The following PRR16 variants were observed in gnomAD, a reference collection of about 807,000 sequenced individuals.
PRR16 encodes proline rich 16.
A neutral mutation model predicts 18.2 loss-of-function variants in PRR16; 6 were observed. The ratio of observed to expected loss-of-function variants is 0.33; its 90% CI spans 0.18 to 0.65. PRR16 has a LOEUF of 0.65. Among genes scored for constraint, PRR16 ranks in the 30% least tolerant of loss-of-function variants. The probability of loss-of-function intolerance (pLI) is 0.74; values close to 1 mark genes in which losing one functional copy is unlikely to be tolerated. For missense variants in PRR16, 412 were observed against 376.6 expected, an observed-to-expected ratio of 1.09 and a Z score of -0.78; for synonymous variants, 151 against 147.8, an observed-to-expected ratio of 1.02 and a Z score of -0.16.
chr5:120,661,779 A>G (rs921977199), intron 1 of PRR16, among the ~76,000 whole-genome samples: 1 of 151,998 alleles, frequency 6.6e-6, no homozygotes, highest in Non-Finnish European at 1.5e-5. Flanking sequence ...TCCCCTCTAG[A>G]TCACGCTACA....
At chr5:120,676,063 A>T (rs1270417143) in intron 1 of PRR16, among the ~76,000 whole-genome samples, 1 of 152,088 alleles carries the variant, frequency 6.6e-6, no homozygotes, top group East Asian at 1.9e-4. Flanking sequence ...TATATCCTCC[A>T]TATTTACTTT....
chr5:120,757,425 A>T, the PRR16 span, among the ~76,000 whole-genome samples: 19 of 152,048 alleles, frequency 1.2e-4, no homozygotes, highest in Admixed American at 5.2e-4. Flanking sequence ...CATTTTAATG[A>T]TAGTGATTCT....
At chr5:120,501,458 C>T (rs538975684) in intron 1 of PRR16, among the ~76,000 whole-genome samples, 4 of 151,940 alleles carry the variant, frequency 2.6e-5, no homozygotes, top group East Asian at 1.9e-4. Context: ...ATCTTGATGA[C>T]GATAAAAGTA....
intron 1 of PRR16, among the ~76,000 whole-genome samples, chr5:120,583,274 G>A (rs1753332906): frequency 6.6e-6 from 1 of 151,982 alleles, no homozygotes; most frequent in Non-Finnish European, 1.5e-5. Flanking sequence ...TTTCACTGGA[G>A]GATTTTCAGT....
the PRR16 span, among the ~76,000 whole-genome samples, chr5:120,767,914 C>A: frequency 4.9e-4 from 75 of 151,830 alleles, no homozygotes; most frequent in African/African-American, 1.7e-3. Flanking sequence ...TATGATATAT[C>A]AATTATATCA....
chr5:120,685,025 G>A (rs1757078322), intron 1 of PRR16, among the ~76,000 whole-genome samples: 1 of 152,082 alleles, frequency 6.6e-6, no homozygotes, highest in Non-Finnish European at 1.5e-5. Flanking sequence ...AGGGTCCTGG[G>A]CCCAGATAAT....
chr5:120,720,607 C>G, the PRR16 span, among the ~76,000 whole-genome samples: 3 of 152,094 alleles, frequency 2.0e-5, no homozygotes, highest in Non-Finnish European at 4.4e-5. Context: ...GGAATCCACT[C>G]TCATTTCTCT....
chr5:120,470,005 C>T (rs905427850), intron 1 of PRR16, among the ~76,000 whole-genome samples: 2 of 152,070 alleles, frequency 1.3e-5, no homozygotes, highest in African/African-American at 4.8e-5. Flanking sequence ...TCATTATTAC[C>T]TGGATTATGT....
the PRR16 span, among the ~76,000 whole-genome samples, chr5:120,721,602 G>A: frequency 4.6e-5 from 7 of 152,126 alleles, no homozygotes; most frequent in African/African-American, 1.7e-4. Flanking sequence ...AGGTCAGTGT[G>A]CCAAATTGTT....
At chr5:120,550,516 G>A (rs768896569) in intron 1 of PRR16, among the ~76,000 whole-genome samples, 1 of 151,994 alleles carries the variant, frequency 6.6e-6, no homozygotes, top group Non-Finnish European at 1.5e-5. Flanking sequence ...TGCCTCTTGT[G>A]TTGATTAAGA....
chr5:120,654,477 C>CT (rs549516616), intron 1 of PRR16, among the ~76,000 whole-genome samples: 4,994 of 147,994 alleles, frequency 0.034, 185 homozygotes, highest in African/African-American at 0.087. Context: ...CAAAAAGTGT[C>CT]TTTTTTTTTT....
intron 1 of PRR16, among the ~76,000 whole-genome samples, chr5:120,606,720 T>C (rs1255440101): frequency 3.9e-5 from 6 of 151,960 alleles, no homozygotes; most frequent in African/African-American, 9.7e-5. Context: ...TTGGGCAACA[T>C]AGTGAGACCT....
At chr5:120,596,437 T>G (rs1392171542) in intron 1 of PRR16, among the ~76,000 whole-genome samples, 4 of 151,784 alleles carry the variant, frequency 2.6e-5, no homozygotes, top group Non-Finnish European at 5.9e-5. Context: ...CCATTGAAAC[T>G]TCTATGTATT....
At chr5:120,502,253 T>C (rs993674318) in intron 1 of PRR16, among the ~76,000 whole-genome samples, 31 of 150,796 alleles carry the variant, frequency 2.1e-4, no homozygotes, top group Admixed American at 1.8e-3. Context: ...ATGTTTTCCT[T>C]TGTTCTTTAA....
At chr5:120,777,534 A>G in the PRR16 span, among the ~76,000 whole-genome samples, 1 of 150,674 alleles carries the variant, frequency 6.6e-6, no homozygotes, top group African/African-American at 2.4e-5. Context: ...TATTCTCATT[A>G]GTTTTGTCCT....
At chr5:120,774,211 T>A in the PRR16 span, among the ~76,000 whole-genome samples, 1 of 152,156 alleles carries the variant, frequency 6.6e-6, no homozygotes, top group Admixed American at 6.5e-5. Context: ...ATGATTTAAT[T>A]GTACGATTCT....
the PRR16 span, among the ~76,000 whole-genome samples, chr5:120,730,627 T>C: frequency 6.6e-6 from 1 of 152,042 alleles, no homozygotes; most frequent in African/African-American, 2.4e-5. Context: ...GATGAAGCAA[T>C]GGTAAGCAGT....
intron 1 of PRR16, among the ~76,000 whole-genome samples, chr5:120,641,685 G>A (rs563814628): frequency 8.5e-5 from 13 of 152,086 alleles, no homozygotes; most frequent in Non-Finnish European, 1.3e-4. Flanking sequence ...CATTCTTTCC[G>A]ATCAAAAGAG....
the PRR16 span, among the ~76,000 whole-genome samples, chr5:120,715,064 A>G: frequency 1.3e-5 from 2 of 152,028 alleles, no homozygotes; most frequent in Admixed American, 6.6e-5. Context: ...ACGTATATCT[A>G]TGTAACAAAA....
Sources: gnomAD v4.1 joint callset for allele counts (sites outside exome capture counted in the v4.1 genomes callset) on GRCh38, gnomAD v4.1.1 for gene constraint, MANE v1.5 for transcripts, NCBI Gene and HGNC (gene_info 2026-07-23, HGNC 2026-07-21) for gene names.